The following ABTB3 variants were observed in gnomAD, a reference collection of about 807,000 sequenced individuals.
ABTB3 encodes ankyrin repeat and BTB domain containing 3, also known as ankyrin repeat- and BTB/POZ domain-containing protein 3.
the ABTB3 span, among the ~76,000 whole-genome samples, chr12:107,591,252 G>A: frequency 6.6e-6 from 1 of 152,170 alleles, no homozygotes; most frequent in African/African-American, 2.4e-5. Context: ...AAAATGGCAT[G>A]GTAATAGTCT....
chr12:107,609,679 C>T, the ABTB3 span, among the ~76,000 whole-genome samples: 2 of 152,204 alleles, frequency 1.3e-5, no homozygotes, highest in Non-Finnish European at 2.9e-5. Context: ...GACAAATAAA[C>T]AGGCAAATAG....
the ABTB3 span, among the ~76,000 whole-genome samples, chr12:107,487,013 C>T: frequency 6.6e-6 from 1 of 152,086 alleles, no homozygotes; most frequent in African/African-American, 2.4e-5. Flanking sequence ...TGTCATTATC[C>T]CCATTATACA....
the ABTB3 span, among the ~76,000 whole-genome samples, chr12:107,418,749 G>T: frequency 6.6e-6 from 1 of 152,294 alleles, no homozygotes; most frequent in South Asian, 2.1e-4. Context: ...AGGACCCCAC[G>T]CTTCTCTAAG....
the ABTB3 span, among the ~76,000 whole-genome samples, chr12:107,565,942 A>T: frequency 5.9e-5 from 9 of 152,258 alleles, no homozygotes; most frequent in Non-Finnish European, 1.2e-4. Flanking sequence ...CAGCTTAGTA[A>T]GTAGCCCTTT....
the ABTB3 span, among the ~76,000 whole-genome samples, chr12:107,482,918 T>C: frequency 2.2e-3 from 75 of 34,804 alleles, no homozygotes; most frequent in African/African-American, 0.013. Flanking sequence ...TTCTTCTTCT[T>C]TCTTTCTTTC....
chr12:107,468,341 G>A, the ABTB3 span, among the ~76,000 whole-genome samples: 1 of 152,162 alleles, frequency 6.6e-6, no homozygotes, highest in Non-Finnish European at 1.5e-5. Flanking sequence ...TGCTGGGAGA[G>A]AGGGAAGCTG....
the ABTB3 span, among the ~76,000 whole-genome samples, chr12:107,495,635 C>T: frequency 6.6e-6 from 1 of 152,206 alleles, no homozygotes; most frequent in East Asian, 1.9e-4. Flanking sequence ...CAGGGCCTGC[C>T]CTCCATGAAT....
At chr12:107,470,592 C>G in the ABTB3 span, among the ~76,000 whole-genome samples, 3 of 152,214 alleles carry the variant, frequency 2.0e-5, no homozygotes, top group Non-Finnish European at 2.9e-5. Context: ...CTTCATAGAC[C>G]TGGATGCTCC....
the ABTB3 span, among the ~76,000 whole-genome samples, chr12:107,369,392 G>GTTTTTTTTTTTTTTTTTT: frequency 1.5e-5 from 2 of 134,904 alleles, no homozygotes; most frequent in Non-Finnish European, 1.6e-5. Context: ...TCAAACAAGG[G>GTTTTTTTTTTTTTTTTTT]TTTTTTTTTT....
the ABTB3 span, among the ~76,000 whole-genome samples, chr12:107,425,487 A>C: frequency 6.6e-6 from 1 of 152,144 alleles, no homozygotes; most frequent in African/African-American, 2.4e-5. Context: ...TAAAAGGGTT[A>C]ATTTTTGTAT....
chr12:107,519,224 C>A, the ABTB3 span, among the ~76,000 whole-genome samples: 1 of 152,196 alleles, frequency 6.6e-6, no homozygotes, highest in African/African-American at 2.4e-5. Context: ...GTCTCTTATG[C>A]CAGGCTAGTC....
chr12:107,329,853 CT>C, the ABTB3 span, among the ~76,000 whole-genome samples: 3 of 152,194 alleles, frequency 2.0e-5, no homozygotes, highest in East Asian at 5.8e-4. Flanking sequence ...GCTCATGGAG[CT>C]TGCAGGCCTG....
At chr12:107,649,744 C>T in the ABTB3 span, 1 of 163,482 alleles carries the variant, frequency 6.1e-6, no homozygotes, top group Non-Finnish European at 1.3e-5. Flanking sequence ...GATATAGAAG[C>T]TGAGGGCAGA....
the ABTB3 span, chr12:107,651,875 G>A: frequency 9.0e-7 from 1 of 1,116,696 alleles, no homozygotes; most frequent in Admixed American, 1.9e-5. Flanking sequence ...GCAGGGCAGA[G>A]AGTGGGTGCT....
chr12:107,487,846 A>G, the ABTB3 span, among the ~76,000 whole-genome samples: 2 of 152,160 alleles, frequency 1.3e-5, no homozygotes, highest in South Asian at 4.1e-4. Flanking sequence ...TTTGATCACC[A>G]TCAACTGAGT....
At chr12:107,421,581 T>C in the ABTB3 span, among the ~76,000 whole-genome samples, 1 of 152,252 alleles carries the variant, frequency 6.6e-6, no homozygotes, top group Non-Finnish European at 1.5e-5. Context: ...AATCATGCAT[T>C]TCTAGGCCTA....
chr12:107,454,124 A>G, the ABTB3 span, among the ~76,000 whole-genome samples: 1 of 152,262 alleles, frequency 6.6e-6, no homozygotes, highest in Non-Finnish European at 1.5e-5. Context: ...TAGGTGCTCA[A>G]TAAGTGCTTG....
the ABTB3 span, among the ~76,000 whole-genome samples, chr12:107,637,551 A>G: frequency 1.1e-3 from 161 of 152,368 alleles, 1 homozygote; most frequent in Admixed American, 1.2e-3. Context: ...CAAATGGAAT[A>G]TACAGCAGGT....
chr12:107,357,481 T>C, the ABTB3 span, among the ~76,000 whole-genome samples: 3 of 152,152 alleles, frequency 2.0e-5, no homozygotes, highest in African/African-American at 4.8e-5. Flanking sequence ...TGTGGTAGCA[T>C]GCACCTGTAG....
Sources: gnomAD v4.1 joint callset for allele counts (sites outside exome capture counted in the v4.1 genomes callset) on GRCh38, gnomAD v4.1.1 for gene constraint, MANE v1.5 for transcripts, NCBI Gene and HGNC (gene_info 2026-07-23, HGNC 2026-07-21) for gene names.